The following AATF variants were observed in gnomAD, a reference collection of about 807,000 sequenced individuals.
AATF encodes the protein apoptosis antagonizing transcription factor.
Under a neutral mutation model 63.7 loss-of-function variants are expected in AATF, and 48 were observed. The ratio of observed to expected loss-of-function variants is 0.75; its 90% CI spans 0.60 to 0.96. AATF has a LOEUF of 0.96. Ranked by LOEUF, AATF falls within the 40% of genes least tolerant of loss-of-function variation. AATF has a pLI of 0.00. For synonymous variants in AATF, 258 were observed against 247.7 expected (o/e 1.04, Z -0.39); for missense variants, 639 against 685.7 (o/e 0.93, Z 0.76).
intron 4 of AATF, among the ~76,000 whole-genome samples, chr17:36,964,958 T>C (rs2070979962): frequency 6.6e-6 from 1 of 152,160 alleles, no homozygotes; most frequent in African/African-American, 2.4e-5. Context: ...GTTATCTCAG[T>C]TTACTGTCAG....
intron 8 of AATF, among the ~76,000 whole-genome samples, chr17:37,015,836 T>C (rs1328369134): frequency 1.3e-5 from 2 of 152,188 alleles, no homozygotes; most frequent in Non-Finnish European, 2.9e-5. Flanking sequence ...ACATAGAGCC[T>C]TTCCCTTGTA....
chr17:37,034,792 A>G (rs2071577586), intron 11 of AATF: 1 of 152,162 alleles, frequency 6.6e-6, no homozygotes. Context: ...ATATCCCAAT[A>G]ACAATAATGG....
At chr17:37,052,202 A>G (rs1410840806) in intron 11 of AATF, 1 of 152,126 alleles carries the variant, frequency 6.6e-6, no homozygotes, top group Admixed American at 6.5e-5. Context: ...TTTTTTAAAA[A>G]GTTGATTATG....
intron 4 of AATF, among the ~76,000 whole-genome samples, chr17:36,971,751 G>A (rs1003542200): frequency 7.2e-5 from 11 of 152,180 alleles, no homozygotes; most frequent in Admixed American, 3.9e-4. Context: ...ATGCAAAAAC[G>A]TGGATGAACC....
At chr17:37,043,274 C>T (rs950025285) in intron 11 of AATF, 3 of 152,230 alleles carry the variant, frequency 2.0e-5, no homozygotes, top group African/African-American at 7.2e-5. Flanking sequence ...CATGTGCTGT[C>T]CAGAGCAGAC....
At chr17:37,045,507 G>T (rs2071682169) in intron 11 of AATF, 1 of 152,226 alleles carries the variant, frequency 6.6e-6, no homozygotes. Flanking sequence ...GTGGGGGTTG[G>T]GCCTTTTGTC....
intron 11 of AATF, among the ~76,000 whole-genome samples, chr17:37,050,001 A>T (rs2071733604): frequency 6.6e-6 from 1 of 152,146 alleles, no homozygotes; most frequent in African/African-American, 2.4e-5. Flanking sequence ...GAGGGCTCAT[A>T]GGAGTGCAGT....
At chr17:36,960,020 T>A (rs1370006424) in intron 4 of AATF, among the ~76,000 whole-genome samples, 1 of 150,702 alleles carries the variant, frequency 6.6e-6, no homozygotes, top group South Asian at 2.1e-4. Flanking sequence ...ACTAAAATTT[T>A]TTTCCCCCCC....
chr17:36,957,792 G>T (rs1316507941), intron 4 of AATF, among the ~76,000 whole-genome samples: 1 of 151,990 alleles, frequency 6.6e-6, no homozygotes, highest in Non-Finnish European at 1.5e-5. Flanking sequence ...TCTCTCCTTG[G>T]CACTGTCACT....
intron 4 of AATF, among the ~76,000 whole-genome samples, chr17:36,958,592 G>T (rs1018114985): frequency 1.3e-5 from 2 of 152,052 alleles, no homozygotes; most frequent in African/African-American, 4.8e-5. Flanking sequence ...TTTCATTATG[G>T]GATATATCAA....
intron 4 of AATF, among the ~76,000 whole-genome samples, chr17:36,972,671 ATT>A (rs34793151): frequency 0.039 from 5,556 of 142,968 alleles, 346 homozygotes; most frequent in African/African-American, 0.13. Flanking sequence ...TGGAGTAAAC[ATT>A]TTTTTTTTTT....
chr17:36,991,722 A>G (rs910475762), intron 8 of AATF, among the ~76,000 whole-genome samples: 1 of 151,732 alleles, frequency 6.6e-6, no homozygotes, highest in Admixed American at 6.6e-5. Context: ...AGTAGCTGGG[A>G]CTACAGGCGC....
chr17:37,053,930 T>G (rs529190803), intron 11 of AATF, among the ~76,000 whole-genome samples: 2 of 152,350 alleles, frequency 1.3e-5, no homozygotes, highest in South Asian at 4.1e-4. Context: ...GCATGTAGGT[T>G]CCATTGCAGG....
Position 36,990,758 on chromosome 17 carries a change from C to G in AATF, c.1315-16C>G. ...CTTGTTGGGATTCACTCTTTTCTTA[C>G]TCATTGTTAACATAGGAGATCCTTC... On this transcript the variant is annotated splice_polypyrimidine_tract_variant and intron_variant, in intron 7 of 11. Transcript: ENST00000619387. The G allele has an allele frequency of 6.5e-7, 1 of 1,540,134 alleles. No homozygotes were observed. The highest frequency in any genetic ancestry group is 8.8e-7 in the Non-Finnish European group (1 of 1,129,982).
In AATF at chr17:37,031,565, A is replaced by G. The variant is rs751525387; in HGVS notation, c.1548-49A>G. ...ACTCACTGAATGTGTTTCCTCTCCT[A>G]GGTTAATAGTTACTAATGTTGCTGC... On this transcript the variant is annotated intron_variant, in intron 10 of 11. Coordinates refer to ENST00000619387, the MANE Select transcript of AATF (RefSeq NM_012138.4). 7.8e-6 allele frequency: 11 copies of G among 1,414,028 alleles called. No individual in the cohort carries two copies. The East Asian group carries it at 2.5e-4, about 32-fold the overall frequency. 87.6% of individuals were successfully genotyped at this position (1,414,028 alleles called of 1,614,324 possible). A position where few individuals can be genotyped will look rare whatever the true frequency, so the allele number is the denominator to read the frequency against.
At chr17:37,034,758 AAG>A (rs1426362569) in intron 11 of AATF, 2 of 152,208 alleles carry the variant, frequency 1.3e-5, no homozygotes, top group Non-Finnish European at 2.9e-5. Context: ...CTACTATGTA[AAG>A]AGTTTTTACA....
intron 2 of AATF, 136 bp from the exon 3 acceptor site, chr17:36,952,750 A>C: frequency 7.0e-7 from 1 of 1,433,350 alleles, no homozygotes; most frequent in East Asian, 2.5e-5. Context: ...GATGTGTAAT[A>C]AATATATTGT....
At chr17:37,004,332 AAAAG>A (rs1234476688) in intron 8 of AATF, among the ~76,000 whole-genome samples, 1 of 152,122 alleles carries the variant, frequency 6.6e-6, no homozygotes, top group East Asian at 1.9e-4. Flanking sequence ...ACTCTGAAAA[AAAAG>A]AGAGAGAGTG....
At chr17:36,969,591 C>T (rs1258035485) in intron 4 of AATF, among the ~76,000 whole-genome samples, 1 of 152,156 alleles carries the variant, frequency 6.6e-6, no homozygotes, top group Non-Finnish European at 1.5e-5. Flanking sequence ...ATTGCTAGCA[C>T]CCCAGTCATC....
Sources: allele counts gnomAD v4.1 joint callset (sites outside exome capture counted in the v4.1 genomes callset), GRCh38; gene constraint gnomAD v4.1.1; transcripts MANE v1.5; gene names NCBI Gene and HGNC (gene_info 2026-07-23, HGNC 2026-07-21).